Variants in LSAMP observed in about 807,000 individuals in gnomAD.
LSAMP encodes limbic system associated membrane protein, also known as limbic system-associated membrane protein.
LSAMP carries 7 observed loss-of-function variants against 38.6 expected under a neutral mutation model. The ratio of observed to expected loss-of-function variants is 0.18; its 90% CI spans 0.10 to 0.34. The LOEUF (loss-of-function observed/expected upper bound fraction) is 0.34, where lower values mean the gene tolerates loss of function less well. LSAMP is among the 10% of genes least tolerant of loss of function. LSAMP has a pLI of 1.00. For missense variants in LSAMP, 313 were observed against 420.0 expected (o/e 0.75, Z 2.23); for synonymous variants, 154 against 166.8 (o/e 0.92, Z 0.59).
At chr3:116,208,506 T>G (rs2046102275) in intron 1 of LSAMP, among the ~76,000 whole-genome samples, 2 of 152,252 alleles carry the variant, frequency 1.3e-5, no homozygotes, top group Non-Finnish European at 2.9e-5. Flanking sequence ...GTTTTTCTGT[T>G]CTGTTTTTTC....
chr3:116,439,322 T>G (rs1432397440), intron 1 of LSAMP, among the ~76,000 whole-genome samples: 2 of 151,534 alleles, frequency 1.3e-5, no homozygotes, highest in Non-Finnish European at 2.9e-5. Flanking sequence ...TTTTGTTGTT[T>G]TTTTTTTTTA....
In LSAMP at chr3:116,019,584, C is replaced by T. The variant is rs143751711; in HGVS notation, c.445G>A (p.Val149Met). Residue 149 changes from valine to methionine, a missense_variant, in exon 3 of 7, where the codon GTG becomes ATG. Physicochemically the swap from Val to Met is conservative, Grantham distance 21. Coordinates refer to ENST00000490035, the MANE Select transcript of LSAMP (RefSeq NM_002338.5). ...CCATTGGCCATGCAGACCAGAGTCA[C>T]GTTGCTGCCCTCATTCACAGTGACA... is the stretch of plus-strand genomic sequence containing the variant. Reference protein sequence around the residue: ...SDVTVNEGSNVTLVCMANGRP... With the variant: ...SDVTVNEGSNMTLVCMANGRP... The T allele has an allele frequency of 1.6e-5, 26 of 1,613,044 alleles. No homozygotes were observed. The highest frequency in any genetic ancestry group is 7.7e-5 in the South Asian group (7 of 91,076).
chr3:116,381,711 A>T (rs150338280), intron 1 of LSAMP, among the ~76,000 whole-genome samples: 39 of 152,206 alleles, frequency 2.6e-4, no homozygotes, highest in African/African-American at 8.4e-4. Context: ...TAGAGAGTGC[A>T]TTCCTTCCAC....
At chr3:116,170,354 T>G (rs896021853) in intron 1 of LSAMP, among the ~76,000 whole-genome samples, 1 of 152,204 alleles carries the variant, frequency 6.6e-6, no homozygotes, top group Non-Finnish European at 1.5e-5. Flanking sequence ...ATATATAATG[T>G]ACTCGCTTTG....
At chr3:116,370,141 T>C (rs1462411929) in intron 1 of LSAMP, 1 of 152,246 alleles carries the variant, frequency 6.6e-6, no homozygotes, top group African/African-American at 2.4e-5. Flanking sequence ...TTATTATCAT[T>C]AAGCTTTTAA....
intron 1 of LSAMP, among the ~76,000 whole-genome samples, chr3:116,343,242 C>T (rs2048020897): frequency 6.6e-6 from 1 of 152,062 alleles, no homozygotes; most frequent in Admixed American, 6.6e-5. Context: ...AAAAGTCAGA[C>T]ATCTGCTGTA....
intron 1 of LSAMP, among the ~76,000 whole-genome samples, chr3:116,095,680 T>C (rs1708211662): frequency 6.6e-6 from 1 of 152,190 alleles, no homozygotes; most frequent in South Asian, 2.1e-4. Flanking sequence ...AGAGAACCGA[T>C]TTCTATCCCA....
chr3:115,815,349 G>A lies in LSAMP; in HGVS notation c.920-4935C>T, dbSNP rs576588023. On this transcript the variant is annotated intron_variant, in intron 6 of 6. Transcript: ENST00000490035. ...TTCAGGCATCCACTGGGGTCCTGGG[G>A]CCATATCCCCTGAGGATAAGTGGGA... Among the ~76,000 whole-genome samples, 17 of 152,210 alleles carry A rather than the reference G, an allele frequency of 1.1e-4. No homozygotes were observed. The East Asian group carries it at 3.1e-3, about 28-fold the overall frequency.
intron 1 of LSAMP, among the ~76,000 whole-genome samples, chr3:116,307,883 G>C (rs2047504270): frequency 6.6e-6 from 1 of 151,736 alleles, no homozygotes; most frequent in Non-Finnish European, 1.5e-5. Flanking sequence ...AATTCTGCTT[G>C]TGTCAGTTAT....
chr3:115,830,150 C>T (rs977075791), intron 6 of LSAMP, among the ~76,000 whole-genome samples: 1 of 152,140 alleles, frequency 6.6e-6, no homozygotes, highest in Non-Finnish European at 1.5e-5. Context: ...TGTAAATCAG[C>T]CTGAATAAGT....
rs139527346 is a variant in LSAMP at position 115,947,764 on chromosome 3, G to A, written c.514+71751C>T. On this transcript the variant is annotated intron_variant, in intron 3 of 6. Transcript: ENST00000490035. Reference sequence around the variant, plus strand: ...GCAATTAAATGTGATACTAGTTTGTGCATGAGCTGATGAAAGAGTAAGAGA... The same window carrying A: ...GCAATTAAATGTGATACTAGTTTGTACATGAGCTGATGAAAGAGTAAGAGA... 5.9e-3 allele frequency among the ~76,000 whole-genome samples: 903 copies of A among 152,274 alleles called. 8 individuals carry two copies. The highest frequency in any genetic ancestry group is 0.021 in the African/African-American group (865 of 41,564).
chr3:116,259,068 A>T lies in LSAMP; in HGVS notation c.156-172512T>A, dbSNP rs190882513. 9.3e-4 allele frequency among the ~76,000 whole-genome samples: 141 copies of T among 152,242 alleles called. 2 individuals carry two copies. The highest frequency in any genetic ancestry group is 6.9e-3 in the Admixed American group (106 of 15,272). ...TCTTTTTATTAAATCAGAACATTTC[A>T]GTTCATGAGTGGTGTTAACACTGTT... On this transcript the variant is annotated intron_variant, in intron 1 of 6. Coordinates refer to ENST00000490035, the MANE Select transcript of LSAMP (RefSeq NM_002338.5).
At position 116,266,185 on chromosome 3, in the gene LSAMP, G is replaced by T. The variant is rs531788813; in HGVS notation, c.155+178692C>A. Among the ~76,000 whole-genome samples, 122 of 152,236 alleles carry T rather than the reference G, an allele frequency of 8.0e-4. 3 individuals carry two copies. Among genetic ancestry groups the T allele is most frequent in the South Asian group, 6.2e-3 (30 of 4,824 alleles). On this transcript the variant is annotated intron_variant, in intron 1 of 6. Transcript: ENST00000490035. ...TTTCTTCCCCACACAAGGGGAAACT[G>T]CAGAGAAATACTACTTAATTATCAC...
intron 1 of LSAMP, among the ~76,000 whole-genome samples, chr3:116,174,844 A>G (rs1053280135): frequency 6.6e-6 from 1 of 152,192 alleles, no homozygotes; most frequent in East Asian, 1.9e-4. Context: ...CATTTAGCCT[A>G]TCCACCACTC....
chr3:116,071,869 A>G (rs1423863042), intron 2 of LSAMP, among the ~76,000 whole-genome samples: 2 of 152,048 alleles, frequency 1.3e-5, no homozygotes, highest in Non-Finnish European at 2.9e-5. Flanking sequence ...CTGTTACTGC[A>G]TTAGTTTGCT....
At chr3:116,310,738 C>A (rs970719496) in intron 1 of LSAMP, among the ~76,000 whole-genome samples, 20 of 152,042 alleles carry the variant, frequency 1.3e-4, no homozygotes, top group African/African-American at 7.2e-5. Flanking sequence ...AATGTCATAA[C>A]TTTACACAAA....
chr3:115,945,313 T>A (rs950920172), intron 3 of LSAMP, among the ~76,000 whole-genome samples: 1 of 152,108 alleles, frequency 6.6e-6, no homozygotes, highest in South Asian at 2.1e-4. Context: ...ACTGAAAGCA[T>A]TCCTAGGATT....
chr3:116,204,841 C>G (rs1169876247), intron 1 of LSAMP, among the ~76,000 whole-genome samples: 1 of 147,790 alleles, frequency 6.8e-6, no homozygotes, highest in African/African-American at 2.5e-5. Flanking sequence ...AGTGTGATGC[C>G]TCCAGCTTTG....
chr3:115,812,318 G>A (rs575400939), intron 6 of LSAMP, among the ~76,000 whole-genome samples: 1 of 152,114 alleles, frequency 6.6e-6, no homozygotes, highest in Admixed American at 6.5e-5. Flanking sequence ...TTAACAAAAG[G>A]CACCTTAGCT....
Sources: gnomAD v4.1 joint callset for allele counts (sites outside exome capture counted in the v4.1 genomes callset) on GRCh38, gnomAD v4.1.1 for gene constraint, MANE v1.5 for transcripts, NCBI Gene and HGNC (gene_info 2026-07-23, HGNC 2026-07-21) for gene names.